Variants in COLQ observed in about 807,000 individuals in gnomAD.
COLQ encodes collagen like tail subunit of asymmetric acetylcholinesterase, also known as acetylcholinesterase collagenic tail peptide.
COLQ carries 48 observed loss-of-function variants against 69.0 expected under a neutral mutation model. The observed-to-expected ratio is 0.70, with a 90% CI of 0.55 to 0.88. The LOEUF is 0.88. Among genes scored for constraint, COLQ ranks in the 40% least tolerant of loss-of-function variants. The pLI is 0.00. For missense variants in COLQ, 618 were observed against 594.6 expected, an observed-to-expected ratio of 1.04 and a Z score of -0.41; for synonymous variants, 217 against 211.2, an observed-to-expected ratio of 1.03 and a Z score of -0.24.
In COLQ at chr3:15,453,918, G is replaced by A. The variant is rs753830857; in HGVS notation, c.1209C>T (p.Ala403=). The part of the protein sequence containing the change: ...VGDDCIRCHR[A]YCGDGHRHEG... ...CATGCCGGTGACCATCTCCACAGTA[G>A]GCACGGTGACAGCCTGAGGGGACAT... The change falls in exon 16 of 17, where the codon GCC becomes GCT. Residue 403 remains alanine, a synonymous_variant. Transcript: ENST00000383788. 1.4e-5 allele frequency: 23 copies of A among 1,608,824 alleles called. No individual in the cohort carries two copies. Among genetic ancestry groups the A allele is most frequent in the Non-Finnish European group, 1.9e-5 (22 of 1,177,460 alleles).
chr3:15,457,990 A>T (rs559584339), intron 13 of COLQ, among the ~76,000 whole-genome samples, 196 bp downstream of exon 13: 19 of 152,326 alleles, frequency 1.2e-4, no homozygotes, highest in African/African-American at 4.6e-4. Flanking sequence ...AAAATACCCC[A>T]AAATGGACTC....
At chr3:15,519,060 T>C (rs933449797) in intron 1 of COLQ, among the ~76,000 whole-genome samples, 1 of 152,194 alleles carries the variant, frequency 6.6e-6, no homozygotes, top group African/African-American at 2.4e-5. Flanking sequence ...TTAAGTTTAT[T>C]TCTGAACTGT....
At chr3:15,475,333 C>A in intron 7 of COLQ, 92 bp downstream of exon 7, 3 of 1,257,210 alleles carry the variant, frequency 2.4e-6, no homozygotes, top group Non-Finnish European at 3.4e-6. Context: ...TAGTCCGGGA[C>A]TGCAGCCCCA....
At chr3:15,497,767 C>G (rs947774878) in intron 1 of COLQ, among the ~76,000 whole-genome samples, 1 of 152,170 alleles carries the variant, frequency 6.6e-6, no homozygotes, top group Non-Finnish European at 1.5e-5. Flanking sequence ...AGTGCTTTGA[C>G]TTTATTGTAG....
At chr3:15,463,854 T>C (rs1310015126) in intron 12 of COLQ, among the ~76,000 whole-genome samples, 1 of 152,120 alleles carries the variant, frequency 6.6e-6, no homozygotes, top group Non-Finnish European at 1.5e-5. Context: ...CAGAAATGAA[T>C]TATGGAGTGT....
chr3:15,511,648 G>A (rs1216073740), intron 1 of COLQ, among the ~76,000 whole-genome samples: 1 of 152,122 alleles, frequency 6.6e-6, no homozygotes, highest in East Asian at 1.9e-4. Context: ...CTTGCTCCAC[G>A]CAGCTCTCGA....
intron 1 of COLQ, among the ~76,000 whole-genome samples, chr3:15,514,566 G>A (rs1329498486): frequency 6.6e-6 from 1 of 152,158 alleles, no homozygotes; most frequent in African/African-American, 2.4e-5. Context: ...AATGCAACCT[G>A]GGTGCATATT....
chr3:15,488,260 C>T lies in COLQ; in HGVS notation c.267G>A (p.Ser89=), dbSNP rs144897863. ...GCGAGCCTTGCATGCACGGGGACTG[C>T]GAGGTCTCCAGTTCCAGCATGAGAT... ...MKNLMLELET[S]QSPCMQGSLG... is the part of the protein sequence containing the mutation. Residue 89 remains serine (S), a synonymous_variant, in exon 3 of 17, where the codon TCG becomes TCA. Coordinates refer to ENST00000383788, the MANE Select transcript of COLQ (RefSeq NM_005677.4). The T allele has an allele frequency of 2.0e-5, 32 of 1,613,490 alleles. No homozygotes were observed. The highest frequency in any genetic ancestry group is 2.0e-4 in the South Asian group (18 of 91,090).
intron 1 of COLQ, among the ~76,000 whole-genome samples, chr3:15,491,609 C>T (rs2062668789): frequency 6.6e-6 from 1 of 152,264 alleles, no homozygotes; most frequent in Non-Finnish European, 1.5e-5. Context: ...CAAAGACCCT[C>T]AGCCCTCTCA....
chr3:15,481,924 C>T (rs1281416046), intron 3 of COLQ, among the ~76,000 whole-genome samples: 4 of 152,112 alleles, frequency 2.6e-5, no homozygotes, highest in Non-Finnish European at 4.4e-5. Context: ...TGAAGAGGTC[C>T]TTCACATCCC....
intron 1 of COLQ, chr3:15,498,500 C>T (rs2062783011): frequency 1.9e-6 from 3 of 1,551,500 alleles, no homozygotes; most frequent in Middle Eastern, 1.7e-4. Flanking sequence ...CACACACGCA[C>T]ACACAACTCA....
At chr3:15,456,712 T>A in intron 13 of COLQ, 133 bp from the exon 14 acceptor site, 1 of 1,146,076 alleles carries the variant, frequency 8.7e-7, no homozygotes, top group Non-Finnish European at 1.3e-6. Context: ...CACTACACTC[T>A]AGCATTCCTT....
intron 12 of COLQ, among the ~76,000 whole-genome samples, chr3:15,462,987 A>G (rs1335579939): frequency 1.3e-5 from 2 of 152,178 alleles, no homozygotes; most frequent in African/African-American, 4.8e-5. Context: ...AGGTGGGCAT[A>G]CTGGGTGGAA....
At chr3:15,475,328 C>T (rs1010017246) in intron 7 of COLQ, 97 bp downstream of exon 7, 51 of 1,190,670 alleles carry the variant, frequency 4.3e-5, no homozygotes, top group Non-Finnish European at 4.9e-5. Context: ...TTCCCTAGTC[C>T]GGGACTGCAG....
At chr3:15,504,513 T>C (rs1256871129) in intron 1 of COLQ, among the ~76,000 whole-genome samples, 2 of 152,336 alleles carry the variant, frequency 1.3e-5, no homozygotes, top group African/African-American at 4.8e-5. Context: ...ATGCCCACCC[T>C]AATGGCCTTA....
intron 14 of COLQ, 114 bp downstream of exon 14, chr3:15,456,346 A>G: frequency 7.0e-7 from 1 of 1,425,706 alleles, no homozygotes; most frequent in Non-Finnish European, 9.6e-7. Context: ...CCTCCCATGC[A>G]GACAGACTGT....
intron 1 of COLQ, chr3:15,498,476 C>CACACAT (rs2125157760): frequency 6.5e-7 from 1 of 1,544,254 alleles, no homozygotes; most frequent in Non-Finnish European, 8.8e-7. Flanking sequence ...CATCCACACA[C>CACACAT]ACACACACAC....
chr3:15,512,194 G>A (rs2062996005), intron 1 of COLQ, among the ~76,000 whole-genome samples: 3 of 152,204 alleles, frequency 2.0e-5, no homozygotes, highest in Admixed American at 6.5e-5. Flanking sequence ...GAAAGTGTGG[G>A]ATGCCTGGGA....
intron 12 of COLQ, among the ~76,000 whole-genome samples, chr3:15,465,235 G>GAGATGGAGACTTTATATTTTTTTTT (rs1559515566): frequency 7.4e-6 from 1 of 135,736 alleles, no homozygotes; most frequent in African/African-American, 2.7e-5. Flanking sequence ...TTTATATTTT[G>GAGATGGAGACTTTATATTTTTTTTT]ATTTATTTAT....
Sources: allele counts gnomAD v4.1 joint callset (sites outside exome capture counted in the v4.1 genomes callset), GRCh38; gene constraint gnomAD v4.1.1; transcripts MANE v1.5; gene names NCBI Gene and HGNC (gene_info 2026-07-23, HGNC 2026-07-21).